The following DOCK2 variants were observed in gnomAD, a reference collection of about 807,000 sequenced individuals.
DOCK2 encodes the protein dedicator of cytokinesis 2, also known as dedicator of cytokinesis protein 2.
In DOCK2, 87 loss-of-function variants were observed where a neutral mutation model predicts 248.9. The ratio of observed to expected loss-of-function variants is 0.35; its 90% CI spans 0.29 to 0.42. DOCK2 has a LOEUF of 0.42. DOCK2 is among the 10% of genes least tolerant of loss of function. The probability of loss-of-function intolerance (pLI) is 1.00; values close to 1 mark genes in which losing one functional copy is unlikely to be tolerated. For synonymous variants in DOCK2, 805 were observed against 821.6 expected (o/e 0.98, Z 0.35); for missense variants, 1,747 against 2,300.2 (o/e 0.76, Z 4.92).
intron 22 of DOCK2, among the ~76,000 whole-genome samples, chr5:169,721,330 C>T (rs999191477): frequency 1.3e-5 from 2 of 152,208 alleles, no homozygotes; most frequent in Non-Finnish European, 2.9e-5. Flanking sequence ...TCCTCATGAA[C>T]AGAAATGTAG....
At chr5:169,771,024 A>C (rs183932210) in intron 25 of DOCK2, among the ~76,000 whole-genome samples, 65 of 152,288 alleles carry the variant, frequency 4.3e-4, no homozygotes, top group Admixed American at 1.2e-3. Flanking sequence ...GAGATAGTGA[A>C]CACTCTTTTC....
chr5:170,046,909 G>A (rs749389403), intron 39 of DOCK2, among the ~76,000 whole-genome samples: 1 of 152,132 alleles, frequency 6.6e-6, no homozygotes, highest in Non-Finnish European at 1.5e-5. Flanking sequence ...AGATGCCATC[G>A]ATCATACACC....
intron 27 of DOCK2, among the ~76,000 whole-genome samples, chr5:169,917,066 A>G (rs191749437): frequency 6.6e-6 from 1 of 152,218 alleles, no homozygotes; most frequent in African/African-American, 2.4e-5. Flanking sequence ...CTTACTACTC[A>G]CAGCTTAAAG....
At chr5:169,716,093 A>G (rs1761897772) in intron 19 of DOCK2, 120 bp from the exon 20 acceptor site, 10 of 893,242 alleles carry the variant, frequency 1.1e-5, no homozygotes, top group Non-Finnish European at 1.7e-5. Context: ...AGACGTTTTG[A>G]GCATGACATG....
chr5:169,931,330 G>A (rs1266788096), intron 27 of DOCK2, among the ~76,000 whole-genome samples: 1 of 152,236 alleles, frequency 6.6e-6, no homozygotes, highest in Non-Finnish European at 1.5e-5. Flanking sequence ...CAGTGGGTCA[G>A]TGGGAAGAAC....
At chr5:169,935,026 G>A (rs2113691975) in intron 27 of DOCK2, among the ~76,000 whole-genome samples, 1 of 152,292 alleles carries the variant, frequency 6.6e-6, no homozygotes, top group Non-Finnish European at 1.5e-5. Flanking sequence ...AGATTCTTGG[G>A]AAGGCGGGAA....
chr5:169,672,959 C>T (rs1334025745), intron 5 of DOCK2, among the ~76,000 whole-genome samples: 1 of 152,242 alleles, frequency 6.6e-6, no homozygotes, highest in East Asian at 1.9e-4. Flanking sequence ...GTCCTCGGCA[C>T]ACCACCCTCC....
At chr5:169,933,221 G>A (rs1775838355) in intron 27 of DOCK2, among the ~76,000 whole-genome samples, 1 of 152,222 alleles carries the variant, frequency 6.6e-6, no homozygotes, top group Non-Finnish European at 1.5e-5. Context: ...TGGAAATCAG[G>A]TTCTGTTTAC....
intron 25 of DOCK2, among the ~76,000 whole-genome samples, chr5:169,799,752 C>T (rs146465767): frequency 0.011 from 1,658 of 152,156 alleles, 29 homozygotes; most frequent in African/African-American, 0.039. Context: ...TCTTTCTAAA[C>T]AAAGGGTAGT....
At chr5:169,825,899 A>G (rs979071829) in intron 26 of DOCK2, among the ~76,000 whole-genome samples, 1 of 152,002 alleles carries the variant, frequency 6.6e-6, no homozygotes, top group Non-Finnish European at 1.5e-5. Flanking sequence ...CCTCTTGGTT[A>G]TATGGTGAAA....
At chr5:169,697,284 G>T (rs1760691898) in intron 10 of DOCK2, among the ~76,000 whole-genome samples, 1 of 152,086 alleles carries the variant, frequency 6.6e-6, no homozygotes, top group African/African-American at 2.4e-5. Context: ...TCTCTTTCTT[G>T]CTCAGCCCCT....
At chr5:169,853,360 G>A (rs1459158679) in intron 27 of DOCK2, among the ~76,000 whole-genome samples, 1 of 152,168 alleles carries the variant, frequency 6.6e-6, no homozygotes, top group East Asian at 1.9e-4. Context: ...CAAATCTCAG[G>A]CCCATCGCCC....
chr5:169,752,301 C>T (rs915789564), intron 23 of DOCK2, among the ~76,000 whole-genome samples: 1 of 152,200 alleles, frequency 6.6e-6, no homozygotes, highest in Non-Finnish European at 1.5e-5. Context: ...GACATGCTCT[C>T]TTGGCCACTG....
chr5:169,698,272 G>A (rs530236427), intron 10 of DOCK2, 102 bp from the exon 11 acceptor site: 37 of 1,181,390 alleles, frequency 3.1e-5, no homozygotes, highest in Non-Finnish European at 4.3e-5. Flanking sequence ...TGACCCCCAG[G>A]CATCCCAGGC....
At chr5:169,697,859 T>C (rs1760723476) in intron 10 of DOCK2, among the ~76,000 whole-genome samples, 1 of 152,122 alleles carries the variant, frequency 6.6e-6, no homozygotes, top group Non-Finnish European at 1.5e-5. Flanking sequence ...GTGGCTGATT[T>C]AAGGAAAGGT....
intron 6 of DOCK2, among the ~76,000 whole-genome samples, chr5:169,675,555 G>A (rs913369411): frequency 6.6e-6 from 1 of 152,162 alleles, no homozygotes; most frequent in Non-Finnish European, 1.5e-5. Context: ...CTTTTAATGA[G>A]CCTTAGAGAA....
rs910471733 is a variant in DOCK2, at chr5:170,060,784, C to T, written c.4467+3118C>T. The stretch of plus-strand genomic sequence containing the variant: ...TGGTGGCTCATGCCTGTAATCCCAA[C>T]ACTTTGGGAGGCTGGGGTGGGCGGA... On this transcript the variant is annotated intron_variant, in intron 44 of 51. Transcript: ENST00000520908. Among the ~76,000 whole-genome samples, 8 of 152,216 alleles carry T rather than the reference C, an allele frequency of 5.3e-5. No individual in the cohort carries two copies. In the East Asian group the frequency reaches 5.8e-4, roughly 11 times the overall value.
intron 27 of DOCK2, among the ~76,000 whole-genome samples, chr5:169,978,696 C>A (rs942245382): frequency 6.6e-6 from 1 of 152,068 alleles, no homozygotes; most frequent in African/African-American, 2.4e-5. Flanking sequence ...GACCTCCCTA[C>A]GTCCCGAAGG....
At chr5:169,960,546 T>C (rs1777040803) in intron 27 of DOCK2, among the ~76,000 whole-genome samples, 1 of 152,150 alleles carries the variant, frequency 6.6e-6, no homozygotes, top group Non-Finnish European at 1.5e-5. Context: ...GGTTCTAAGA[T>C]AGGTTTTCAA....
Sources: gnomAD v4.1 joint callset for allele counts (sites outside exome capture counted in the v4.1 genomes callset) on GRCh38, gnomAD v4.1.1 for gene constraint, MANE v1.5 for transcripts, NCBI Gene and HGNC (gene_info 2026-07-23, HGNC 2026-07-21) for gene names.